Variants in RBM22 observed in about 807,000 individuals in gnomAD.
RBM22 encodes the protein pre-mRNA-splicing factor RBM22.
Under a neutral mutation model 50.1 loss-of-function variants are expected in RBM22, and 1 was observed. The ratio of observed to expected loss-of-function variants is 0.02; its 90% confidence interval spans 0.01 to 0.09. RBM22 has a LOEUF of 0.09. Ranked by LOEUF, RBM22 falls within the 10% of genes least tolerant of loss-of-function variation. The pLI is 1.00. For synonymous variants in RBM22, 152 were observed against 179.0 expected (o/e 0.85, Z 1.20); for missense variants, 264 against 529.3 (o/e 0.50, Z 4.92).
chr5:150,698,578 A>G lies in RBM22; in HGVS notation c.192T>C (p.Arg64=). 1 of 1,614,100 alleles carries G rather than the reference A, an allele frequency of 6.2e-7. No individual in the cohort carries two copies. Among genetic ancestry groups the G allele is most frequent in the Non-Finnish European group, 8.5e-7 (1 of 1,180,022 alleles). The change falls in exon 4 of 11, where the codon CGT becomes CGC. Residue 64 remains arginine (R), a synonymous_variant. Transcript: ENST00000199814. ...VFRWCPGVRM[R]FKKTEVCQTC... ...TTTGGCACACTTCAGTCTTCTTGAA[A>G]CGCATGCGGACTCCAGGGCACCAGC...
intron 2 of RBM22, 23 bp downstream of exon 2, chr5:150,700,421 T>C: frequency 1.3e-6 from 2 of 1,593,672 alleles, no homozygotes; most frequent in Non-Finnish European, 8.6e-7. Context: ...CATGAATAAC[T>C]CGTTTCACAC....
Position 150,694,229 on chromosome 5 carries a change from T to C in RBM22, c.758A>G (p.Tyr253Cys). Reference protein sequence around the residue: ...ITETDLRNHFYQFGEIRTITV... With the variant: ...ITETDLRNHFCQFGEIRTITV... ...GATCGTCCGGATCTCTCCGAACTGG[T>C]AGAAATGATTTCTGAAGGGAAACAG... Residue 253 changes from tyrosine (Y) to cysteine (C), a missense_variant, in exon 8 of 11, where the codon TAC (tyrosine) becomes TGC (cysteine). This residue lies in a region of RBM22 where 62 missense variants were observed against 102.6 expected (regional missense o/e 0.60). Transcript: ENST00000199814. The C allele has an allele frequency of 6.2e-7, 1 of 1,609,258 alleles. No individual in the cohort carries two copies. The highest frequency in any genetic ancestry group is 8.5e-7 in the Non-Finnish European group (1 of 1,177,964).
intron 4 of RBM22, among the ~76,000 whole-genome samples, 199 bp from the exon 5 acceptor site, chr5:150,697,090 TGAAC>T (rs1412574828): frequency 3.3e-5 from 5 of 152,328 alleles, no homozygotes; most frequent in Non-Finnish European, 7.3e-5. Flanking sequence ...TCCAAATTCC[TGAAC>T]TGTCAGGAAA....
intron 7 of RBM22, 29 bp from the exon 8 acceptor site, chr5:150,694,269 A>G (rs1252106200): frequency 6.3e-7 from 1 of 1,599,936 alleles, no homozygotes; most frequent in African/African-American, 1.3e-5. Flanking sequence ...AGAAAAATGA[A>G]AGTGGGAGTT....
At position 150,695,183 on chromosome 5, in the gene RBM22, C is replaced by T. The variant is rs371830918; in HGVS notation, c.746+323G>A. On this transcript the variant is annotated intron_variant, in intron 7 of 10. Coordinates refer to ENST00000199814, the MANE Select transcript of RBM22 (RefSeq NM_018047.3). ...CTGGGACTACAGGCACATGCCACCA[C>T]ACCCGGCTAATTTTTTTGATTTCTT... The T allele has an allele frequency of 3.2e-4, 78 of 240,830 alleles. No homozygotes were observed. The East Asian group carries it at 7.2e-3, about 22-fold the overall frequency. 14.9% of individuals were successfully genotyped at this position (240,830 alleles called of 1,614,324 possible).
In RBM22 at chr5:150,695,494, A is replaced by AT; in HGVS notation, c.746+11dup. On this transcript the variant is annotated intron_variant, in intron 7 of 10. Transcript: ENST00000199814. ...AAAGGCAAAAATAACTCTCTAACTT[A>AT]TACCCACAAACCTTAAATCTGTCTC... is the stretch of plus-strand genomic sequence containing the variant. The AT allele has an allele frequency of 1.2e-6, 2 of 1,600,602 alleles. No individual in the cohort carries two copies. Among genetic ancestry groups the AT allele is most frequent in the Non-Finnish European group, 1.7e-6 (2 of 1,169,710 alleles).
intron 4 of RBM22, among the ~76,000 whole-genome samples, chr5:150,697,411 C>T (rs1759289611): frequency 6.6e-6 from 1 of 151,926 alleles, no homozygotes; most frequent in Admixed American, 6.6e-5. Flanking sequence ...AGAGTGACAC[C>T]CTGTCTCAAA....
chr5:150,693,221 C>T lies in RBM22; in HGVS notation c.998G>A (p.Gly333Glu). 1 of 1,612,628 alleles carries T rather than the reference C, an allele frequency of 6.2e-7. No homozygotes were observed. The highest frequency in any genetic ancestry group is 8.5e-7 in the Non-Finnish European group (1 of 1,178,706). ...GTCAGCAGGGAGTCTGCACTCACCTCCTGGCAATCCTGGAACAGGTTCTAG... is the reference window on the plus strand; with the variant it reads ...GTCAGCAGGGAGTCTGCACTCACCTTCTGGCAATCCTGGAACAGGTTCTAG... ...IKLEPVPGLPGALPPPPAAEE... is the reference protein window; with the variant it reads ...IKLEPVPGLPEALPPPPAAEE... The change falls in exon 9 of 11, where the codon GGA becomes GAA. Residue 333 changes from glycine (G) to glutamate (E), a missense_variant and splice_region_variant. Gly to Glu is a moderately conservative substitution (Grantham distance 98). This residue lies in a region of RBM22 where 106 missense variants were observed against 137.1 expected (regional missense o/e 0.77). Coordinates refer to ENST00000199814, the MANE Select transcript of RBM22 (RefSeq NM_018047.3).
intron 7 of RBM22, chr5:150,695,288 T>C (rs1186774231): frequency 1.9e-6 from 1 of 540,496 alleles, no homozygotes; most frequent in East Asian, 3.2e-5. Context: ...AGTGTTGAGA[T>C]TACAGGCATG....
In RBM22 at chr5:150,691,493, C is replaced by T. The variant is rs183825665; in HGVS notation, c.*258G>A. 1.2e-4 allele frequency: 35 copies of T among 292,316 alleles called. No individual in the cohort carries two copies. The highest frequency in any genetic ancestry group is 6.7e-4 in the Admixed American group (13 of 19,352). The allele number at this position is 292,316 out of a possible 1,614,324, so 18.1% of individuals were successfully genotyped here. ...TTCACTCATCTGCGTGTCCCCCACA[C>T]GGGTAAGGGGAACAGGCGTTCGGTT... On this transcript the variant is annotated 3_prime_UTR_variant, in exon 11 of 11. Transcript: ENST00000199814.
intron 4 of RBM22, chr5:150,697,754 C>G: frequency 3.0e-6 from 1 of 337,716 alleles, no homozygotes; most frequent in South Asian, 2.2e-5. Flanking sequence ...ATAGTAAAAA[C>G]TCTTGTTGAA....
chr5:150,699,692 G>C (rs1241131642), intron 2 of RBM22, among the ~76,000 whole-genome samples: 1 of 152,160 alleles, frequency 6.6e-6, no homozygotes, highest in East Asian at 1.9e-4. Context: ...ACAACTCTTA[G>C]GTTCATTTTT....
Position 150,696,874 on chromosome 5 carries a change from G to A in RBM22, c.289C>T (p.Arg97Cys). The A allele has an allele frequency of 6.2e-7, 1 of 1,614,108 alleles. No individual in the cohort carries two copies. The highest frequency in any genetic ancestry group is 8.5e-7 in the Non-Finnish European group (1 of 1,180,024). ...DLEYGLPIQV[R>C]DAGLSFKDDM... ...TCTTTAAAAGACAATCCTGCGTCACGAACCTGGATGGGCAGGCCTGGTACA... is the reference window on the plus strand; with the variant it reads ...TCTTTAAAAGACAATCCTGCGTCACAAACCTGGATGGGCAGGCCTGGTACA... The change falls in exon 5 of 11, where the codon CGT becomes TGT. Residue 97 changes from arginine to cysteine, a missense_variant. Arg to Cys is a radical substitution (Grantham distance 180). This residue lies in a region of RBM22 where 15 missense variants were observed against 99.4 expected (regional missense o/e 0.15). Coordinates refer to ENST00000199814, the MANE Select transcript of RBM22 (RefSeq NM_018047.3). This position sits in a 1 kb window ranked among gnomAD's most constrained non-coding sequence, Gnocchi z 4.3.
In RBM22 at chr5:150,700,977, G is replaced by T. The variant is rs199790245; in HGVS notation, c.9C>A (p.Thr3=). 5 of 1,614,232 alleles carry T rather than the reference G, an allele frequency of 3.1e-6. No homozygotes were observed. The East Asian group carries it at 1.1e-4, about 36-fold the overall frequency. The change falls in exon 1 of 11, where the codon ACC becomes ACA. Residue 3 remains threonine, a synonymous_variant. Transcript: ENST00000199814. ...TGTTGTAGGTGTTGGAACCCAGAGA[G>T]GTCGCCATCTTGAGAGCGTCCGGAG... MA[T]SLGSNTYNRQ...
intron 1 of RBM22, 119 bp from the exon 2 acceptor site, chr5:150,700,616 C>A: frequency 1.3e-6 from 2 of 1,556,460 alleles, no homozygotes; most frequent in East Asian, 2.3e-5. Flanking sequence ...GGCAGGAACC[C>A]GAAGTCCATC....
intron 4 of RBM22, among the ~76,000 whole-genome samples, chr5:150,697,258 C>CA (rs1374346917): frequency 6.6e-6 from 1 of 151,864 alleles, no homozygotes; most frequent in East Asian, 1.9e-4. Flanking sequence ...CCCATTTCTA[C>CA]AAAAAATACA....
intron 10 of RBM22, 46 bp downstream of exon 10, chr5:150,692,849 A>C: frequency 6.5e-7 from 1 of 1,533,840 alleles, no homozygotes; most frequent in African/African-American, 1.4e-5. Flanking sequence ...ATGAGACAGA[A>C]CTTTCACAAG....
intron 10 of RBM22, among the ~76,000 whole-genome samples, chr5:150,692,437 A>G (rs1759220336): frequency 6.6e-6 from 1 of 152,138 alleles, no homozygotes; most frequent in Admixed American, 6.5e-5. Flanking sequence ...GACCAGGCAC[A>G]GTTTAGTTCA....
intron 8 of RBM22, 109 bp downstream of exon 8, chr5:150,693,967 G>T: frequency 7.4e-7 from 1 of 1,345,392 alleles, no homozygotes; most frequent in Non-Finnish European, 1.0e-6. Flanking sequence ...TCTCTTTAAA[G>T]ATCCTGTTCA....
Sources: allele counts gnomAD v4.1 joint callset (sites outside exome capture counted in the v4.1 genomes callset), GRCh38; gene constraint gnomAD v4.1.1; regional missense constraint gnomAD v4.1.1; non-coding constraint Gnocchi (gnomAD v3.1); transcripts MANE v1.5; gene names NCBI Gene and HGNC (gene_info 2026-07-23, HGNC 2026-07-21).